Variants in UBE2F observed in about 807,000 individuals in gnomAD.
UBE2F encodes the protein NEDD8-conjugating enzyme UBE2F.
Under a neutral mutation model 29.6 loss-of-function variants are expected in UBE2F, and 5 were observed. The observed-to-expected ratio is 0.17, with a 90% CI of 0.09 to 0.36. The LOEUF (loss-of-function observed/expected upper bound fraction) is 0.36, where lower values mean the gene tolerates loss of function less well. UBE2F is among the 10% of genes least tolerant of loss of function. The probability of loss-of-function intolerance (pLI) is 1.00; values close to 1 mark genes in which losing one functional copy is unlikely to be tolerated. For missense variants in UBE2F, 141 were observed against 228.5 expected (o/e 0.62, Z 2.47); for synonymous variants, 66 against 81.8 (o/e 0.81, Z 1.04).
At chr2:237,968,812 A>C (rs553241850) in intron 1 of UBE2F, 1 of 983,180 alleles carries the variant, frequency 1.0e-6, no homozygotes, top group Non-Finnish European at 1.2e-6. Context: ...ATGCTGCCTT[A>C]GAGCGTAATT....
At chr2:238,015,095 T>C (rs2064123827) in intron 4 of UBE2F, among the ~76,000 whole-genome samples, 1 of 152,234 alleles carries the variant, frequency 6.6e-6, no homozygotes, top group Non-Finnish European at 1.5e-5. Context: ...ATGTAATCTA[T>C]GAAACCATTA....
chr2:238,028,612 T>C (rs941570950), intron 6 of UBE2F, among the ~76,000 whole-genome samples: 3 of 152,364 alleles, frequency 2.0e-5, no homozygotes, highest in Non-Finnish European at 2.9e-5. Flanking sequence ...GATACATGAT[T>C]TGAGTTTTCC....
In UBE2F at chr2:237,967,502, G is replaced by C. The variant is rs1327854373; in HGVS notation, c.-17+370G>C. Among the ~76,000 whole-genome samples, 1 of 152,102 alleles carries C rather than the reference G, an allele frequency of 6.6e-6. No homozygotes were observed. Among genetic ancestry groups the C allele is most frequent in the Non-Finnish European group, 1.5e-5 (1 of 68,006 alleles). On this transcript the variant is annotated intron_variant, in intron 1 of 9. Transcript: ENST00000272930. This position sits in a 1 kb window ranked among gnomAD's most constrained non-coding sequence, Gnocchi z 6.3. ...CTGGCCGCGCTCACGCCCCACTCGCGGGATCGGCTGCCTGCCTTGTACGGA... is the reference window on the plus strand; with the variant it reads ...CTGGCCGCGCTCACGCCCCACTCGCCGGATCGGCTGCCTGCCTTGTACGGA...
chr2:237,987,612 A>G (rs902573698), intron 2 of UBE2F, among the ~76,000 whole-genome samples: 2 of 152,224 alleles, frequency 1.3e-5, no homozygotes, highest in African/African-American at 4.8e-5. Flanking sequence ...CACAAGGTGC[A>G]TATAGATCAG....
rs908697860 is a variant in UBE2F, at chr2:237,988,008, C to G, written c.148+16C>G. 29 of 1,484,490 alleles carry G rather than the reference C, an allele frequency of 2.0e-5. No individual in the cohort carries two copies. Among genetic ancestry groups the G allele is most frequent in the Non-Finnish European group, 2.5e-5 (28 of 1,107,054 alleles). 92.0% of individuals were successfully genotyped at this position (1,484,490 alleles called of 1,614,324 possible). On this transcript the variant is annotated intron_variant, in intron 3 of 9. Transcript: ENST00000272930. ...AATTTACCTTGTAAGTATAGCATCC[C>G]CAAACACTAAGTACTGTGAAATAAT...
intron 4 of UBE2F, among the ~76,000 whole-genome samples, chr2:238,005,302 C>T (rs1398812397): frequency 6.6e-6 from 1 of 152,060 alleles, no homozygotes; most frequent in African/African-American, 2.4e-5. Flanking sequence ...CTCAAGTTAT[C>T]CTTCCGCCTC....
intron 2 of UBE2F, among the ~76,000 whole-genome samples, chr2:237,974,724 A>G (rs1415610898): frequency 6.6e-6 from 1 of 151,916 alleles, no homozygotes; most frequent in Non-Finnish European, 1.5e-5. Flanking sequence ...CACGTTGGCC[A>G]GGCTGGTCTC....
At chr2:238,012,449 G>C (rs2064057248) in intron 4 of UBE2F, among the ~76,000 whole-genome samples, 1 of 152,162 alleles carries the variant, frequency 6.6e-6, no homozygotes, top group Non-Finnish European at 1.5e-5. Context: ...GCTTTTGCTG[G>C]AAATGCTGAG....
intron 9 of UBE2F, 118 bp downstream of exon 9, chr2:238,036,058 TG>T (rs1363133546): frequency 2.2e-6 from 2 of 904,594 alleles, no homozygotes; most frequent in African/African-American, 3.3e-5. Flanking sequence ...GATGCAAGGC[TG>T]GAATTCAAAG....
In UBE2F at chr2:238,027,821, G is replaced by A. The variant is rs565883447; in HGVS notation, c.353+2409G>A. Among the ~76,000 whole-genome samples the A allele has an allele frequency of 2.6e-5, 4 of 152,302 alleles. No homozygotes were observed. In the East Asian group the frequency reaches 7.7e-4, roughly 29 times the overall value. ...AGCCCTTCCCACAGCAGGACTGATG[G>A]GTGCCTGGGGCTCCACAGGCCTTTC... On this transcript the variant is annotated intron_variant, in intron 6 of 9. Transcript: ENST00000272930.
At chr2:237,977,519 A>G (rs1286569820) in intron 2 of UBE2F, among the ~76,000 whole-genome samples, 1 of 152,188 alleles carries the variant, frequency 6.6e-6, no homozygotes, top group Non-Finnish European at 1.5e-5. Flanking sequence ...AAGTGCAACA[A>G]GAGTGCCTGA....
chr2:237,998,640 G>C (rs1228283189), intron 4 of UBE2F, among the ~76,000 whole-genome samples: 2 of 143,814 alleles, frequency 1.4e-5, no homozygotes, highest in Non-Finnish European at 3.0e-5. Context: ...CAAGCTTTTC[G>C]TGTTCATAGT....
At chr2:237,986,142 CTTTTTTT>C in intron 2 of UBE2F, 7 of 260,574 alleles carry the variant, frequency 2.7e-5, no homozygotes, top group Non-Finnish European at 3.6e-5. Flanking sequence ...CTTTTCTTTT[CTTTTTTT>C]TTTTTTTTTG....
At chr2:237,988,408 A>C (rs911539804) in intron 3 of UBE2F, among the ~76,000 whole-genome samples, 1 of 151,294 alleles carries the variant, frequency 6.6e-6, no homozygotes, top group Admixed American at 6.6e-5. Flanking sequence ...AGATCAGGCC[A>C]CTGCACTCCA....
chr2:238,025,455 A>G (rs977883951), intron 6 of UBE2F, 43 bp downstream of exon 6: 2 of 1,542,250 alleles, frequency 1.3e-6, no homozygotes, highest in African/African-American at 1.4e-5. Flanking sequence ...CGTGAGTGTC[A>G]TGTGCAAGCG....
intron 4 of UBE2F, among the ~76,000 whole-genome samples, chr2:238,013,459 G>C (rs2064086132): frequency 6.6e-6 from 1 of 151,962 alleles, no homozygotes; most frequent in Non-Finnish European, 1.5e-5. Flanking sequence ...CCTTGAGACA[G>C]TTCATTCTAG....
At position 237,977,397 on chromosome 2, in the gene UBE2F, CAG is replaced by C. The variant is rs550784855; in HGVS notation, c.118+4173_118+4174del. On this transcript the variant is annotated intron_variant, in intron 2 of 9. Transcript: ENST00000272930. ...TCGTGGCCTTTCCTTCCACTCACCTCAGGGGCTGCAGGCCAGGCTGAGTGGTG... is the reference window on the plus strand; with the variant it reads ...TCGTGGCCTTTCCTTCCACTCACCTCGGGCTGCAGGCCAGGCTGAGTGGTG... Among the ~76,000 whole-genome samples, 17 of 152,358 alleles carry C rather than the reference CAG, an allele frequency of 1.1e-4. No individual in the cohort carries two copies. In the East Asian group the frequency reaches 2.5e-3, roughly 22 times the overall value.
intron 1 of UBE2F, among the ~76,000 whole-genome samples, chr2:237,968,308 G>A (rs2063102862): frequency 6.6e-6 from 1 of 152,146 alleles, no homozygotes; most frequent in Admixed American, 6.5e-5. Flanking sequence ...AGTGCAGGAA[G>A]GGGCAGGTTT....
intron 6 of UBE2F, among the ~76,000 whole-genome samples, chr2:238,029,811 G>A (rs530660785): frequency 1.3e-5 from 2 of 152,320 alleles, no homozygotes; most frequent in Admixed American, 6.5e-5. Context: ...CTCTCTTCAC[G>A]GGTGGTTATA....
Sources: gnomAD v4.1 joint callset for allele counts (sites outside exome capture counted in the v4.1 genomes callset) on GRCh38, gnomAD v4.1.1 for gene constraint, Gnocchi (gnomAD v3.1) non-coding constraint, MANE v1.5 for transcripts, NCBI Gene and HGNC (gene_info 2026-07-23, HGNC 2026-07-21) for gene names.